The following PCDH15 variants were observed in gnomAD, a reference collection of about 807,000 sequenced individuals.
PCDH15 encodes the protein protocadherin related 15.
Under a neutral mutation model 178.5 loss-of-function variants are expected in PCDH15, and 129 were observed. That is an observed-to-expected ratio of 0.72 (90% CI 0.63 to 0.84). PCDH15 has a LOEUF of 0.84. Ranked by LOEUF, PCDH15 falls within the 40% of genes least tolerant of loss-of-function variation. The pLI is 0.00. For synonymous variants in PCDH15, 800 were observed against 732.0 expected, an observed-to-expected ratio of 1.09 and a Z score of -1.50; for missense variants, 2,230 against 2,099.9, an observed-to-expected ratio of 1.06 and a Z score of -1.21.
intron 11 of PCDH15, among the ~76,000 whole-genome samples, chr10:54,186,578 A>T (rs892329925): frequency 6.6e-6 from 1 of 151,996 alleles, no homozygotes; most frequent in East Asian, 1.9e-4. Flanking sequence ...AGTAGCTTCT[A>T]TGTTCAGGAT....
intron 23 of PCDH15, among the ~76,000 whole-genome samples, chr10:53,956,394 A>G (rs1429078680): frequency 6.6e-6 from 1 of 152,164 alleles, no homozygotes; most frequent in Non-Finnish European, 1.5e-5. Flanking sequence ...GAAGATGATA[A>G]TCATTAGCCT....
intron 2 of PCDH15, among the ~76,000 whole-genome samples, chr10:54,656,871 C>A (rs546937415): frequency 6.6e-6 from 1 of 152,178 alleles, no homozygotes; most frequent in Non-Finnish European, 1.5e-5. Context: ...CTGCTCCTCC[C>A]ATCTACTCTT....
intron 8 of PCDH15, among the ~76,000 whole-genome samples, chr10:54,241,389 T>C (rs2055278863): frequency 6.6e-6 from 1 of 152,202 alleles, no homozygotes; most frequent in Admixed American, 6.5e-5. Context: ...ATCAAAATGT[T>C]CCTCTATTTT....
chr10:54,976,095 T>A (rs973767415), intron 2 of PCDH15, among the ~76,000 whole-genome samples: 5 of 152,282 alleles, frequency 3.3e-5, no homozygotes, highest in Admixed American at 3.3e-4. Context: ...CTAGCAATTA[T>A]CTTTTCAAAA....
intron 3 of PCDH15, among the ~76,000 whole-genome samples, chr10:54,526,947 G>T (rs2083418129): frequency 6.6e-6 from 1 of 152,014 alleles, no homozygotes; most frequent in Admixed American, 6.6e-5. Flanking sequence ...TTCTAATAAG[G>T]CAACTGACAA....
intron 26 of PCDH15, among the ~76,000 whole-genome samples, chr10:53,886,818 T>C (rs1425011082): frequency 6.6e-6 from 1 of 152,140 alleles, no homozygotes; most frequent in Non-Finnish European, 1.5e-5. Context: ...ACTGTTTACT[T>C]TTTCCTATGA....
intron 2 of PCDH15, among the ~76,000 whole-genome samples, chr10:55,491,904 A>G (rs965992094): frequency 9.9e-5 from 15 of 151,626 alleles, no homozygotes; most frequent in Non-Finnish European, 1.2e-4. Flanking sequence ...ACTAAGCTGC[A>G]CCTACTCAAG....
chr10:55,397,813 A>T (rs1837966079), intron 2 of PCDH15, among the ~76,000 whole-genome samples: 2 of 150,858 alleles, frequency 1.3e-5, no homozygotes, highest in Admixed American at 1.3e-4. Flanking sequence ...TCTCGAACGA[A>T]CTCCTGACCT....
intron 3 of PCDH15, among the ~76,000 whole-genome samples, chr10:54,423,070 T>G (rs1328157122): frequency 6.6e-6 from 1 of 152,114 alleles, no homozygotes; most frequent in Non-Finnish European, 1.5e-5. Flanking sequence ...CTAAGGTTAC[T>G]CCTCAAATTT....
At chr10:55,045,463 C>T (rs143354713) in intron 2 of PCDH15, among the ~76,000 whole-genome samples, 209 of 152,158 alleles carry the variant, frequency 1.4e-3, no homozygotes, top group African/African-American at 4.6e-3. Context: ...GAGGAGAAGT[C>T]TTTATTCAGA....
At chr10:54,359,131 G>A in intron 5 of PCDH15, among the ~76,000 whole-genome samples, 1 of 151,792 alleles carries the variant, frequency 6.6e-6, no homozygotes, top group Admixed American at 6.6e-5. Context: ...TGCACATTGT[G>A]CACATGTACC....
In PCDH15 at chr10:54,566,411, T is replaced by C. The variant is rs542376838; in HGVS notation, c.92-38534A>G. Among the ~76,000 whole-genome samples, 3 of 152,286 alleles carry C rather than the reference T, an allele frequency of 2.0e-5. No individual in the cohort carries two copies. In the South Asian group the frequency reaches 6.2e-4, roughly 32 times the overall value. ...TTTACACTCTGTGGCTTTGACTAAA[T>C]GTATAATGAGATGTTTCTATCATTA... On this transcript the variant is annotated intron_variant, in intron 2 of 37. Coordinates refer to ENST00000644397, the MANE Select transcript of PCDH15 (RefSeq NM_001384140.1).
chr10:53,873,795 C>T (rs1026332541), intron 26 of PCDH15, among the ~76,000 whole-genome samples: 4 of 152,134 alleles, frequency 2.6e-5, no homozygotes, highest in African/African-American at 7.2e-5. Context: ...GAAGGATGGG[C>T]CTTTGCAAAG....
At chr10:54,093,788 A>C (rs2136087192) in intron 15 of PCDH15, among the ~76,000 whole-genome samples, 1 of 152,294 alleles carries the variant, frequency 6.6e-6, no homozygotes, top group South Asian at 2.1e-4. Context: ...CATTCCAACC[A>C]GATTTCTCTG....
intron 25 of PCDH15, among the ~76,000 whole-genome samples, chr10:53,919,668 C>T (rs896071991): frequency 3.3e-5 from 5 of 152,160 alleles, no homozygotes; most frequent in Admixed American, 2.0e-4. Context: ...AACTATTTCA[C>T]TTTATGGCCT....
chr10:55,081,507 G>T (rs1255387835), intron 2 of PCDH15, among the ~76,000 whole-genome samples: 1 of 152,122 alleles, frequency 6.6e-6, no homozygotes, highest in Non-Finnish European at 1.5e-5. Context: ...CTCCCAAAGT[G>T]TATACATTGA....
At chr10:54,223,026 T>C (rs1016541232) in intron 9 of PCDH15, among the ~76,000 whole-genome samples, 3 of 152,106 alleles carry the variant, frequency 2.0e-5, no homozygotes, top group East Asian at 1.9e-4. Context: ...AAGAAATTGT[T>C]GCCAGCCGGG....
intron 1 of PCDH15, among the ~76,000 whole-genome samples, chr10:55,285,949 T>A (rs1435732733): frequency 6.6e-6 from 1 of 151,998 alleles, no homozygotes; most frequent in Non-Finnish European, 1.5e-5. Flanking sequence ...TGAGTACAGA[T>A]ACACTTGTGA....
At chr10:55,352,469 T>A (rs1313801775) in intron 2 of PCDH15, among the ~76,000 whole-genome samples, 1 of 152,116 alleles carries the variant, frequency 6.6e-6, no homozygotes, top group African/African-American at 2.4e-5. Flanking sequence ...AGGAACATAG[T>A]GGCCAGCCAT....
Sources: allele counts gnomAD v4.1 joint callset (sites outside exome capture counted in the v4.1 genomes callset), GRCh38; gene constraint gnomAD v4.1.1; transcripts MANE v1.5; gene names NCBI Gene and HGNC (gene_info 2026-07-23, HGNC 2026-07-21).